The following AKAP6 variants were observed in gnomAD, a reference collection of about 807,000 sequenced individuals.
AKAP6 encodes A-kinase anchor protein 6.
In AKAP6, 58 loss-of-function variants were observed where a neutral mutation model predicts 188.5. The ratio of observed to expected loss-of-function variants is 0.31; its 90% CI spans 0.25 to 0.38. AKAP6 has a LOEUF of 0.38. Ranked by LOEUF, AKAP6 falls within the 10% of genes least tolerant of loss-of-function variation. The pLI, the probability that AKAP6 is intolerant of heterozygous loss-of-function variation, is 1.00. For missense variants in AKAP6, 2,710 were observed against 2,740.0 expected (o/e 0.99, Z 0.24); for synonymous variants, 989 against 998.6 (o/e 0.99, Z 0.18).
At chr14:32,526,442 C>T (rs150085212) in intron 2 of AKAP6, among the ~76,000 whole-genome samples, 61 of 152,110 alleles carry the variant, frequency 4.0e-4, no homozygotes, top group African/African-American at 1.2e-3. Flanking sequence ...CACATTGCCC[C>T]GGCTGGTCTC....
At chr14:32,558,241 T>C (rs11850081) in intron 4 of AKAP6, among the ~76,000 whole-genome samples, 19,264 of 152,176 alleles carry the variant, frequency 0.13, 2,351 homozygotes, top group African/African-American at 0.32. Context: ...AGTTTAATAC[T>C]GTAGAAACTC....
At chr14:32,653,818 T>C (rs1484189216) in intron 7 of AKAP6, among the ~76,000 whole-genome samples, 1 of 152,202 alleles carries the variant, frequency 6.6e-6, no homozygotes, top group Non-Finnish European at 1.5e-5. Context: ...GCAAATAAAA[T>C]ATTGCCTCAT....
At chr14:32,645,827 C>G (rs1887963297) in intron 7 of AKAP6, among the ~76,000 whole-genome samples, 1 of 152,130 alleles carries the variant, frequency 6.6e-6, no homozygotes, top group African/African-American at 2.4e-5. Context: ...CTGAATAGCA[C>G]TTTTTAATGG....
At chr14:32,783,815 C>G (rs11625071) in intron 12 of AKAP6, among the ~76,000 whole-genome samples, 52,905 of 151,928 alleles carry the variant, frequency 0.35, 10,791 homozygotes, top group Non-Finnish European at 0.44. Context: ...GAGATTTGAA[C>G]CTGGGAGCTC....
At chr14:32,781,333 A>G (rs2140019379) in intron 12 of AKAP6, among the ~76,000 whole-genome samples, 1 of 149,632 alleles carries the variant, frequency 6.7e-6, no homozygotes, top group Non-Finnish European at 1.5e-5. Flanking sequence ...GGGCAACAAG[A>G]GTGAAACTTA....
intron 7 of AKAP6, among the ~76,000 whole-genome samples, chr14:32,601,139 T>C (rs1176092323): frequency 6.6e-6 from 1 of 152,218 alleles, no homozygotes; most frequent in East Asian, 1.9e-4. Flanking sequence ...GTTGCAACTA[T>C]AAATCACTAT....
intron 11 of AKAP6, among the ~76,000 whole-genome samples, chr14:32,745,634 T>A (rs1372152949): frequency 6.6e-6 from 1 of 151,878 alleles, no homozygotes; most frequent in African/African-American, 2.4e-5. Context: ...AGCACAGCAC[T>A]GGGTCCCGCC....
intron 1 of AKAP6, among the ~76,000 whole-genome samples, chr14:32,422,547 G>A (rs1702824635): frequency 6.6e-6 from 1 of 152,140 alleles, no homozygotes; most frequent in Non-Finnish European, 1.5e-5. Context: ...AATTTGGGAA[G>A]CTTGTCTAAG....
At chr14:32,540,192 ATT>A (rs1555338084) in intron 3 of AKAP6, among the ~76,000 whole-genome samples, 1 of 123,424 alleles carries the variant, frequency 8.1e-6, no homozygotes, top group Non-Finnish European at 1.7e-5. Context: ...ATATATATAT[ATT>A]TTAATTTTTT....
intron 1 of AKAP6, among the ~76,000 whole-genome samples, chr14:32,393,489 T>C (rs1342572229): frequency 2.0e-5 from 3 of 152,046 alleles, no homozygotes; most frequent in Non-Finnish European, 4.4e-5. Context: ...AAAAAGCATA[T>C]TAGTGGGACA....
intron 5 of AKAP6, among the ~76,000 whole-genome samples, chr14:32,582,322 C>T (rs1282365306): frequency 6.6e-6 from 1 of 152,002 alleles, no homozygotes; most frequent in Non-Finnish European, 1.5e-5. Context: ...GAATATTGGC[C>T]CCCACTCTCT....
chr14:32,711,557 T>C (rs1346028473), intron 9 of AKAP6, among the ~76,000 whole-genome samples: 1 of 152,084 alleles, frequency 6.6e-6, no homozygotes, highest in Admixed American at 6.6e-5. Flanking sequence ...ACTAATAGCT[T>C]CGCCATGATT....
At chr14:32,696,253 A>G (rs1890398631) in intron 9 of AKAP6, 143 bp downstream of exon 9, 28 of 1,105,520 alleles carry the variant, frequency 2.5e-5, no homozygotes, top group Non-Finnish European at 3.4e-5. Context: ...CCCCAAACTC[A>G]TTTCCATCCC....
At chr14:32,394,393 C>G (rs1015331131) in intron 1 of AKAP6, among the ~76,000 whole-genome samples, 9 of 152,066 alleles carry the variant, frequency 5.9e-5, no homozygotes, top group Non-Finnish European at 1.2e-4. Context: ...AGATAAAGGT[C>G]CAAAACTGGA....
At chr14:32,340,652 T>G (rs1371376569) in intron 1 of AKAP6, among the ~76,000 whole-genome samples, 2 of 152,244 alleles carry the variant, frequency 1.3e-5, no homozygotes, top group Non-Finnish European at 2.9e-5. Context: ...TATTTTAATT[T>G]ATTATCTTAG....
At chr14:32,343,008 A>G (rs906263089) in intron 1 of AKAP6, among the ~76,000 whole-genome samples, 3 of 152,230 alleles carry the variant, frequency 2.0e-5, no homozygotes, top group African/African-American at 4.8e-5. Context: ...TCACAATAGA[A>G]CAAAACAGCA....
rs1325380469 is a variant in AKAP6 at position 32,462,908 on chromosome 14, A to AC, written c.324+29091_324+29092insC. ...TACCAAGCAAATGGAAAGCAAAAAA[A>AC]AAAAAAAAAAAAAAAAAACCCGGGG... On this transcript the variant is annotated intron_variant, in intron 2 of 13. Transcript: ENST00000280979. Among the ~76,000 whole-genome samples, 9 of 134,234 alleles carry AC rather than the reference A, an allele frequency of 6.7e-5. No individual in the cohort carries two copies. The South Asian group carries it at 1.7e-3, about 25-fold the overall frequency. 88.1% of individuals were successfully genotyped at this position (134,234 alleles called of 152,430 possible).
chr14:32,427,240 C>T (rs1224420555), intron 1 of AKAP6, among the ~76,000 whole-genome samples: 6 of 152,182 alleles, frequency 3.9e-5, no homozygotes, highest in Admixed American at 3.9e-4. Context: ...TCTGGGGCTA[C>T]TGCAGTGATC....
At chr14:32,352,103 T>TTGTGTGTG (rs398024717) in intron 1 of AKAP6, among the ~76,000 whole-genome samples, 23 of 120,394 alleles carry the variant, frequency 1.9e-4, no homozygotes, top group South Asian at 7.8e-4. Flanking sequence ...GTGTGTGTGT[T>TTGTGTGTG]TGTGTGTGTG....
Sources: gnomAD v4.1 joint callset for allele counts (sites outside exome capture counted in the v4.1 genomes callset) on GRCh38, gnomAD v4.1.1 for gene constraint, MANE v1.5 for transcripts, NCBI Gene and HGNC (gene_info 2026-07-23, HGNC 2026-07-21) for gene names.